The following DMD variants were observed in gnomAD, a reference collection of about 807,000 sequenced individuals.
DMD encodes the protein dystrophin.
A neutral mutation model predicts 330.1 loss-of-function variants in DMD; 63 were observed. The ratio of observed to expected loss-of-function variants is 0.19; its 90% CI spans 0.16 to 0.24. The LOEUF is 0.24. Ranked by LOEUF, DMD falls within the 10% of genes least tolerant of loss-of-function variation. The probability of loss-of-function intolerance (pLI) is 1.00; values close to 1 mark genes in which losing one functional copy is unlikely to be tolerated. For synonymous variants in DMD, 1,223 were observed against 959.8 expected (o/e 1.27, Z -5.07); for missense variants, 3,344 against 2,684.1 (o/e 1.25, Z -5.43).
At chrX:32,648,988 A>T (rs1169349863) in intron 9 of DMD, among the ~76,000 whole-genome samples, 1 of 111,596 alleles carries the variant, frequency 9.0e-6, no homozygotes, top group Non-Finnish European at 1.9e-5. Context: ...AACTGGAACT[A>T]ATTATTTTTC....
intron 47 of DMD, among the ~76,000 whole-genome samples, chrX:31,877,525 T>C (rs2093986155): frequency 8.9e-6 from 1 of 111,947 alleles, no homozygotes; most frequent in Non-Finnish European, 1.9e-5. Flanking sequence ...CCTTTCCCTG[T>C]GTGGGTGAGA....
intron 1 of DMD, among the ~76,000 whole-genome samples, chrX:33,052,530 T>C (rs2094469250): frequency 9.0e-6 from 1 of 111,335 alleles, no homozygotes; most frequent in South Asian, 3.7e-4. Context: ...AAATTAAAAC[T>C]GATTCAAAGG....
At chrX:31,540,106 T>C (rs920138477) in intron 55 of DMD, among the ~76,000 whole-genome samples, 1 of 112,291 alleles carries the variant, frequency 8.9e-6, no homozygotes, top group African/African-American at 3.2e-5. Context: ...CTGGAAAACT[T>C]AGGAATTTAA....
intron 47 of DMD, among the ~76,000 whole-genome samples, chrX:31,906,997 A>T (rs191398124): frequency 2.2e-4 from 25 of 112,513 alleles, no homozygotes; most frequent in African/African-American, 7.7e-4. Context: ...TGGAAGGAAG[A>T]ATCAACATCT....
intron 16 of DMD, among the ~76,000 whole-genome samples, chrX:32,552,084 A>C (rs2049624736): frequency 8.9e-6 from 1 of 111,977 alleles, no homozygotes; most frequent in African/African-American, 3.2e-5. Flanking sequence ...TTCCCAAAAA[A>C]CTACCAATAA....
intron 63 of DMD, among the ~76,000 whole-genome samples, chrX:31,254,712 T>C (rs191707783): frequency 9.0e-5 from 10 of 111,253 alleles, no homozygotes; most frequent in African/African-American, 3.3e-4. Context: ...GTAAATACTC[T>C]TGATTACTTA....
intron 11 of DMD, among the ~76,000 whole-genome samples, chrX:32,633,689 G>A (rs1462073786): frequency 8.9e-6 from 1 of 111,905 alleles, no homozygotes; most frequent in Non-Finnish European, 1.9e-5. Context: ...AGTTCTACAG[G>A]CTGTACAGGA....
chrX:31,349,525 G>T (rs915933022), intron 60 of DMD, among the ~76,000 whole-genome samples: 6 of 112,539 alleles, frequency 5.3e-5, no homozygotes, highest in Non-Finnish European at 1.1e-4. Flanking sequence ...TCAGTTTTCA[G>T]TGGACTTGGA....
intron 62 of DMD, 103 bp from the exon 63 acceptor site, chrX:31,261,119 G>T: frequency 1.4e-6 from 1 of 717,473 alleles, no homozygotes; most frequent in South Asian, 2.3e-5. Flanking sequence ...TTTTGCTTTT[G>T]AACCATTCGG....
intron 7 of DMD, among the ~76,000 whole-genome samples, chrX:32,794,455 G>T (rs1341804697): frequency 1.8e-5 from 2 of 111,422 alleles, no homozygotes; most frequent in Admixed American, 9.5e-5. Context: ...CGGGCATGGT[G>T]GCAGATGCCT....
At chrX:33,201,002 G>A (rs1335825051) in intron 1 of DMD, among the ~76,000 whole-genome samples, 1 of 81,972 alleles carries the variant, frequency 1.2e-5, no homozygotes, top group Non-Finnish European at 2.1e-5. Flanking sequence ...CGAGATCTCC[G>A]CTCACTGCAA....
chrX:32,503,217 T>C (rs2044240087), intron 18 of DMD, among the ~76,000 whole-genome samples: 1 of 110,526 alleles, frequency 9.0e-6, no homozygotes, highest in South Asian at 3.9e-4. Context: ...CCTCCATCTC[T>C]AAACAAACAA....
At chrX:32,662,022 T>G (rs2060980370) in intron 9 of DMD, among the ~76,000 whole-genome samples, 1 of 111,578 alleles carries the variant, frequency 9.0e-6, no homozygotes, top group African/African-American at 3.2e-5. Flanking sequence ...AGAAACAGAA[T>G]AAACAGAAAT....
intron 34 of DMD, among the ~76,000 whole-genome samples, chrX:32,376,096 A>G (rs1323698647): frequency 9.0e-6 from 1 of 110,794 alleles, no homozygotes; most frequent in East Asian, 2.9e-4. Context: ...CCTGACCATC[A>G]TGGTGAAACT....
At chrX:31,695,298 G>T (rs1045033318) in intron 52 of DMD, among the ~76,000 whole-genome samples, 8 of 110,896 alleles carry the variant, frequency 7.2e-5, no homozygotes, top group Admixed American at 6.7e-4. Context: ...TAGGGGATAG[G>T]TGGGGATTGT....
chrX:31,658,040 G>C lies in DMD; in HGVS notation c.7977C>G (p.Val2659=). The C allele has an allele frequency of 8.3e-7, 1 of 1,210,472 alleles. No homozygotes were observed. ...CATTGATATTCTCTGTTATCATGTG[G>C]ACTTTTCTGGTATCATCTGCAGAAT... ...RDYSADDTRK[V]HMITENINAS... Residue 2659 remains valine, a synonymous_variant, in exon 54 of 79, where the codon GTC becomes GTG. Transcript: ENST00000357033.
chrX:31,346,098 T>C (rs1434509126), intron 61 of DMD, among the ~76,000 whole-genome samples: 1 of 111,057 alleles, frequency 9.0e-6, no homozygotes, highest in Non-Finnish European at 1.9e-5. Flanking sequence ...TGAAAGAATA[T>C]GGCAGAAGAA....
chrX:31,894,133 T>G (rs899863806), intron 47 of DMD, among the ~76,000 whole-genome samples: 1 of 112,112 alleles, frequency 8.9e-6, no homozygotes, highest in Non-Finnish European at 1.9e-5. Context: ...CCTAAGCAGA[T>G]GTAAGCTTAA....
chrX:32,980,827 T>A (rs1035858796), intron 2 of DMD, among the ~76,000 whole-genome samples: 5 of 112,103 alleles, frequency 4.5e-5, no homozygotes, highest in African/African-American at 1.6e-4. Context: ...AAATATCTCC[T>A]TTACTAATGA....
Sources: allele counts gnomAD v4.1 joint callset (sites outside exome capture counted in the v4.1 genomes callset), GRCh38; gene constraint gnomAD v4.1.1; transcripts MANE v1.5; gene names NCBI Gene and HGNC (gene_info 2026-07-23, HGNC 2026-07-21).